Variants in KIAA1328 observed in about 807,000 individuals in gnomAD.
KIAA1328 encodes protein hinderin.
Under a neutral mutation model 68.1 loss-of-function variants are expected in KIAA1328, and 52 were observed. That is an observed-to-expected ratio of 0.76 (90% CI 0.61 to 0.96). The LOEUF (loss-of-function observed/expected upper bound fraction) is 0.96. Ranked by LOEUF, KIAA1328 falls within the 40% of genes least tolerant of loss-of-function variation. The probability of loss-of-function intolerance (pLI) is 0.00; values close to 1 mark genes in which losing one functional copy is unlikely to be tolerated. For missense variants in KIAA1328, 641 were observed against 677.6 expected, an observed-to-expected ratio of 0.95 and a Z score of 0.60; for synonymous variants, 232 against 239.4, an observed-to-expected ratio of 0.97 and a Z score of 0.28.
intron 4 of KIAA1328, among the ~76,000 whole-genome samples, chr18:36,848,593 G>C (rs1388424719): frequency 9.0e-6 from 1 of 111,682 alleles, no homozygotes; most frequent in Non-Finnish European, 1.7e-5. Flanking sequence ...AGTACTTCCA[G>C]TACAATGTTG....
intron 7 of KIAA1328, among the ~76,000 whole-genome samples, chr18:37,073,022 G>C (rs1461785000): frequency 7.5e-6 from 1 of 133,808 alleles, no homozygotes; most frequent in African/African-American, 3.8e-5. Context: ...ACTCAAGATG[G>C]ACTAAAGACT....
chr18:37,204,224 T>TA (rs2060172642), intron 9 of KIAA1328, among the ~76,000 whole-genome samples: 2 of 152,312 alleles, frequency 1.3e-5, no homozygotes, highest in East Asian at 3.9e-4. Flanking sequence ...AGAGACAACC[T>TA]AAACCTGTCA....
At chr18:37,059,674 C>T (rs1195980172) in intron 6 of KIAA1328, among the ~76,000 whole-genome samples, 1 of 152,192 alleles carries the variant, frequency 6.6e-6, no homozygotes, top group Non-Finnish European at 1.5e-5. Context: ...TTTGACCCAG[C>T]AGTCCCATTA....
chr18:36,888,448 T>C (rs1013601586), intron 5 of KIAA1328, among the ~76,000 whole-genome samples: 3 of 152,234 alleles, frequency 2.0e-5, no homozygotes, highest in African/African-American at 7.2e-5. Flanking sequence ...GTCAGACTTA[T>C]ATTACATATA....
At chr18:37,229,207 GGCCGGTGGGT>G (rs1436497748), downstream of KIAA1328, among the ~76,000 whole-genome samples, 1 of 152,184 alleles carries the variant, frequency 6.6e-6, no homozygotes, top group Non-Finnish European at 1.5e-5. Flanking sequence ...GTAGAGTGGA[GGCCGGTGGGT>G]GCCAGGCAAG....
At chr18:36,892,157 T>C (rs1440424885) in intron 5 of KIAA1328, among the ~76,000 whole-genome samples, 1 of 151,964 alleles carries the variant, frequency 6.6e-6, no homozygotes, top group Non-Finnish European at 1.5e-5. Flanking sequence ...ATAGGAACCA[T>C]ACTGCAGGAA....
intron 5 of KIAA1328, among the ~76,000 whole-genome samples, chr18:36,887,794 C>T (rs979558804): frequency 6.6e-6 from 1 of 152,126 alleles, no homozygotes; most frequent in Non-Finnish European, 1.5e-5. Context: ...ATACAATTCA[C>T]TCTTTGTATG....
intron 9 of KIAA1328, among the ~76,000 whole-genome samples, chr18:37,206,305 C>T (rs577411086): frequency 1.3e-4 from 20 of 152,126 alleles, no homozygotes; most frequent in African/African-American, 4.1e-4. Context: ...AGGAAGAGGA[C>T]GGTTTAAGGT....
chr18:37,120,603 G>T (rs2058245542), intron 7 of KIAA1328, among the ~76,000 whole-genome samples: 1 of 152,108 alleles, frequency 6.6e-6, no homozygotes, highest in Admixed American at 6.6e-5. Flanking sequence ...GACAAAGAAG[G>T]TCTGGTAGTT....
At chr18:36,994,452 A>G (rs1229496622) in intron 6 of KIAA1328, among the ~76,000 whole-genome samples, 1 of 152,186 alleles carries the variant, frequency 6.6e-6, no homozygotes, top group Non-Finnish European at 1.5e-5. Flanking sequence ...CCAAACATGT[A>G]TTTCTTTAGA....
intron 9 of KIAA1328, among the ~76,000 whole-genome samples, chr18:37,184,137 G>A (rs2059749035): frequency 6.6e-6 from 1 of 152,154 alleles, no homozygotes; most frequent in South Asian, 2.1e-4. Flanking sequence ...ACCAGTTCAT[G>A]ACATTCCAGT....
chr18:37,116,800 TAAAC>T (rs1473207360), intron 7 of KIAA1328, among the ~76,000 whole-genome samples: 3 of 152,060 alleles, frequency 2.0e-5, no homozygotes, highest in African/African-American at 7.2e-5. Context: ...ACAAAGAACT[TAAAC>T]AAATGTACAA....
chr18:36,894,188 T>A (rs1443219916), intron 5 of KIAA1328, among the ~76,000 whole-genome samples: 3 of 152,132 alleles, frequency 2.0e-5, no homozygotes, highest in Admixed American at 2.0e-4. Context: ...GATACAAATA[T>A]CAATAAGCCT....
At chr18:37,043,861 A>G (rs2055358891) in intron 6 of KIAA1328, among the ~76,000 whole-genome samples, 1 of 152,108 alleles carries the variant, frequency 6.6e-6, no homozygotes, top group Admixed American at 6.5e-5. Context: ...CTCGTTCCCC[A>G]GTGTCCTTGT....
At chr18:37,128,439 C>T (rs1045290700) in intron 7 of KIAA1328, among the ~76,000 whole-genome samples, 2 of 152,208 alleles carry the variant, frequency 1.3e-5, no homozygotes, top group Admixed American at 6.5e-5. Flanking sequence ...TGCCACTGCA[C>T]TCCAGCCTCG....
chr18:37,181,939 CAGTAGTTCCA>C (rs1439100859), intron 9 of KIAA1328, among the ~76,000 whole-genome samples: 2 of 152,160 alleles, frequency 1.3e-5, no homozygotes, highest in African/African-American at 4.8e-5. Context: ...ATTTTACACT[CAGTAGTTCCA>C]AGTAGTTGCA....
chr18:36,997,514 G>T (rs960035646), intron 6 of KIAA1328, among the ~76,000 whole-genome samples: 15 of 152,162 alleles, frequency 9.9e-5, no homozygotes, highest in Admixed American at 8.5e-4. Flanking sequence ...CTAACACAGG[G>T]AGCTGCCAGT....
chr18:36,933,327 C>G (rs2151156336), intron 5 of KIAA1328, among the ~76,000 whole-genome samples: 1 of 152,262 alleles, frequency 6.6e-6, no homozygotes, highest in East Asian at 1.9e-4. Flanking sequence ...ACCCCCTCAC[C>G]AGATCTGCTC....
chr18:36,914,764 G>A (rs1568159115), intron 5 of KIAA1328, among the ~76,000 whole-genome samples: 1 of 152,058 alleles, frequency 6.6e-6, no homozygotes, highest in East Asian at 1.9e-4. Flanking sequence ...CAGGATCTAA[G>A]AAAAACATAC....
Sources: gnomAD v4.1 joint callset for allele counts (sites outside exome capture counted in the v4.1 genomes callset) on GRCh38, gnomAD v4.1.1 for gene constraint, MANE v1.5 for transcripts, NCBI Gene and HGNC (gene_info 2026-07-23, HGNC 2026-07-21) for gene names.